Variants in RPA3 observed in about 807,000 individuals in gnomAD.
RPA3 encodes replication protein A3.
RPA3 carries 24 observed loss-of-function variants against 13.7 expected under a neutral mutation model. The observed-to-expected ratio is 1.75, with a 90% CI of 1.27 to 2.46. RPA3 has a LOEUF of 2.46. Among genes scored for constraint, RPA3 ranks in the 30% most tolerant of loss-of-function variants. The probability of loss-of-function intolerance (pLI) is 0.00; values close to 1 mark genes in which losing one functional copy is unlikely to be tolerated. For synonymous variants in RPA3, 59 were observed against 51.2 expected, an observed-to-expected ratio of 1.15 and a Z score of -0.65; for missense variants, 183 against 151.0, an observed-to-expected ratio of 1.21 and a Z score of -1.11.
At chr7:7,657,941 T>C (rs796586812) in intron 4 of RPA3, among the ~76,000 whole-genome samples, 3 of 152,220 alleles carry the variant, frequency 2.0e-5, no homozygotes, top group African/African-American at 7.2e-5. Flanking sequence ...TTCCTATCCA[T>C]GAGCATGGAA....
At chr7:7,684,295 G>A (rs575960859) in intron 4 of RPA3, among the ~76,000 whole-genome samples, 12 of 151,614 alleles carry the variant, frequency 7.9e-5, no homozygotes, top group South Asian at 2.1e-4. Flanking sequence ...TCTGCCTCCC[G>A]CGTTCAAGCA....
chr7:7,669,960 G>C (rs1315240910), intron 4 of RPA3, among the ~76,000 whole-genome samples: 1 of 152,034 alleles, frequency 6.6e-6, no homozygotes, highest in Non-Finnish European at 1.5e-5. Flanking sequence ...ATAATGTTCT[G>C]ATGTTTGGAA....
chr7:7,659,683 C>T (rs569146446), intron 4 of RPA3, among the ~76,000 whole-genome samples: 23 of 151,908 alleles, frequency 1.5e-4, no homozygotes, highest in East Asian at 3.9e-4. Context: ...TTATGATTTC[C>T]GTTCTTTTGC....
At chr7:7,638,739 A>T (rs977163607) in intron 6 of RPA3, 1 of 187,912 alleles carries the variant, frequency 5.3e-6, no homozygotes, top group Non-Finnish European at 1.1e-5. Context: ...AAAACAAAAA[A>T]ACAAAAACGA....
At chr7:7,685,537 G>T (rs1248939584) in intron 4 of RPA3, among the ~76,000 whole-genome samples, 1 of 152,074 alleles carries the variant, frequency 6.6e-6, no homozygotes, top group African/African-American at 2.4e-5. Flanking sequence ...TCCATATCCT[G>T]ACCTCGTGAT....
At chr7:7,697,813 T>C (rs1330552747) in intron 2 of RPA3, among the ~76,000 whole-genome samples, 1 of 152,194 alleles carries the variant, frequency 6.6e-6, no homozygotes, top group East Asian at 1.9e-4. Context: ...TACTCTTGGG[T>C]ATCCATCTTC....
intron 4 of RPA3, among the ~76,000 whole-genome samples, chr7:7,641,976 A>G (rs1284910590): frequency 6.6e-6 from 1 of 152,256 alleles, no homozygotes; most frequent in Non-Finnish European, 1.5e-5. Context: ...AAACAGATGT[A>G]GAATGTGTGT....
At chr7:7,711,590 C>T (rs1780765530) in intron 2 of RPA3, among the ~76,000 whole-genome samples, 1 of 151,894 alleles carries the variant, frequency 6.6e-6, no homozygotes, top group Non-Finnish European at 1.5e-5. Context: ...TTTACATTTT[C>T]TTGTTTATAA....
intron 4 of RPA3, among the ~76,000 whole-genome samples, chr7:7,658,513 A>G (rs891591234): frequency 1.3e-5 from 2 of 152,202 alleles, no homozygotes; most frequent in African/African-American, 4.8e-5. Flanking sequence ...GAGAGTTTTT[A>G]GTATGAAGGG....
intron 4 of RPA3, among the ~76,000 whole-genome samples, chr7:7,681,860 A>G (rs1779921328): frequency 6.6e-6 from 1 of 152,172 alleles, no homozygotes; most frequent in Non-Finnish European, 1.5e-5. Context: ...AGTTAGGAAA[A>G]GGGATATTGC....
intron 2 of RPA3, among the ~76,000 whole-genome samples, chr7:7,698,870 CTTT>C (rs57968079): frequency 5.3e-5 from 7 of 131,932 alleles, no homozygotes; most frequent in Non-Finnish European, 3.3e-5. Flanking sequence ...ACCCTCTTGT[CTTT>C]TTTTTTTTTT....
chr7:7,650,153 C>G (rs1785191821), intron 4 of RPA3, among the ~76,000 whole-genome samples: 1 of 152,180 alleles, frequency 6.6e-6, no homozygotes, highest in South Asian at 2.1e-4. Context: ...AATTTTTATG[C>G]TGTTGTCTAG....
chr7:7,657,800 A>C (rs1166729929), intron 4 of RPA3, among the ~76,000 whole-genome samples: 2 of 152,004 alleles, frequency 1.3e-5, no homozygotes, highest in African/African-American at 4.8e-5. Context: ...TGTGGGCTCT[A>C]TTTTGGTTCT....
intron 4 of RPA3, among the ~76,000 whole-genome samples, chr7:7,649,298 A>G (rs1200083447): frequency 6.6e-6 from 1 of 152,196 alleles, no homozygotes; most frequent in African/African-American, 2.4e-5. Flanking sequence ...CAGAAAGGCA[A>G]GAGACCATGA....
intron 2 of RPA3, among the ~76,000 whole-genome samples, chr7:7,698,793 C>G (rs574072335): frequency 2.0e-5 from 3 of 151,658 alleles, no homozygotes; most frequent in South Asian, 4.2e-4. Flanking sequence ...GAATTCATCT[C>G]AAAGTGATTT....
chr7:7,676,864 T>C (rs1183360636), intron 4 of RPA3, among the ~76,000 whole-genome samples: 1 of 152,104 alleles, frequency 6.6e-6, no homozygotes, highest in Non-Finnish European at 1.5e-5. Context: ...TAATTGTCTT[T>C]AAAGTTATAG....
chr7:7,637,390 A>T (rs1026747818), intron 7 of RPA3, among the ~76,000 whole-genome samples: 15 of 152,130 alleles, frequency 9.9e-5, no homozygotes, highest in Middle Eastern at 3.2e-3. Context: ...TGTTATATTT[A>T]AAAAAATTAT....
At chr7:7,710,004 G>A (rs1780712291) in intron 2 of RPA3, among the ~76,000 whole-genome samples, 1 of 152,008 alleles carries the variant, frequency 6.6e-6, no homozygotes, top group Admixed American at 6.6e-5. Context: ...AGTTTTGTAT[G>A]TTTTACAACC....
chr7:7,688,767 C>T (rs1332290427), intron 2 of RPA3, among the ~76,000 whole-genome samples: 1 of 152,080 alleles, frequency 6.6e-6, no homozygotes, highest in Non-Finnish European at 1.5e-5. Flanking sequence ...TAACCCGCTG[C>T]GTATTTTATA....
Sources: gnomAD v4.1 joint callset for allele counts (sites outside exome capture counted in the v4.1 genomes callset) on GRCh38, gnomAD v4.1.1 for gene constraint, MANE v1.5 for transcripts, NCBI Gene and HGNC (gene_info 2026-07-23, HGNC 2026-07-21) for gene names.